Variants in LARGE1 observed in about 807,000 individuals in gnomAD.
LARGE1 encodes the protein xylosyl- and glucuronyltransferase LARGE1.
LARGE1 carries 43 observed loss-of-function variants against 87.6 expected under a neutral mutation model. That is an observed-to-expected ratio of 0.49 (90% CI 0.38 to 0.63). The LOEUF is 0.63. Ranked by LOEUF, LARGE1 falls within the 30% of genes least tolerant of loss-of-function variation. The pLI, the probability that LARGE1 is intolerant of heterozygous loss-of-function variation, is 0.00. For synonymous variants in LARGE1, 434 were observed against 394.6 expected (o/e 1.10, Z -1.18); for missense variants, 802 against 1,000.2 (o/e 0.80, Z 2.67).
intron 4 of LARGE1, among the ~76,000 whole-genome samples, chr22:33,612,701 A>G (rs998392001): frequency 1.3e-5 from 2 of 152,254 alleles, no homozygotes; most frequent in African/African-American, 4.8e-5. Flanking sequence ...CCACGTCTAC[A>G]GGACAGACTG....
chr22:33,702,016 T>A (rs79109634), intron 2 of LARGE1, among the ~76,000 whole-genome samples: 6 of 152,338 alleles, frequency 3.9e-5, no homozygotes, highest in African/African-American at 1.4e-4. Flanking sequence ...CATAAAAACC[T>A]GTCCCAATCC....
rs1936572672 is a variant in LARGE1 at position 33,320,179 on chromosome 22, G to A, written c.1288-3931C>T. ...CAGATTTCCTTGTTGACAATTACGG[G>A]CTGCTCTCTCTGACCCATCACCCCC... On this transcript the variant is annotated intron_variant, in intron 10 of 14. Transcript: ENST00000397394. 2.0e-5 allele frequency among the ~76,000 whole-genome samples: 3 copies of A among 152,022 alleles called. No individual in the cohort carries two copies. In the South Asian group the frequency reaches 6.2e-4, roughly 32 times the overall value.
At position 33,606,539 on chromosome 22, in the gene LARGE1, T is replaced by C. The variant is rs577382880; in HGVS notation, c.492-1981A>G. ...CGTCGGCATGGTCACTCCCCACACC[T>C]GTCCTATGTTCCAGACATACAGACC... On this transcript the variant is annotated intron_variant, in intron 4 of 14. Transcript: ENST00000397394. 7.2e-5 allele frequency among the ~76,000 whole-genome samples: 11 copies of C among 152,250 alleles called. No homozygotes were observed. The South Asian group carries it at 2.3e-3, about 32-fold the overall frequency.
chr22:33,771,029 A>G (rs1307090138), intron 1 of LARGE1, among the ~76,000 whole-genome samples: 1 of 152,044 alleles, frequency 6.6e-6, no homozygotes, highest in African/African-American at 2.4e-5. Context: ...TAAAATGTCA[A>G]TATCCCCCAC....
intron 6 of LARGE1, among the ~76,000 whole-genome samples, chr22:33,457,449 G>A (rs1053639285): frequency 2.6e-5 from 4 of 151,614 alleles, no homozygotes; most frequent in African/African-American, 7.3e-5. Context: ...AAGCCACCAA[G>A]CCCGGCCTAA....
intron 5 of LARGE1, among the ~76,000 whole-genome samples, chr22:33,591,167 C>T (rs1026508873): frequency 5.9e-5 from 9 of 152,240 alleles, no homozygotes; most frequent in Admixed American, 5.9e-4. Flanking sequence ...GGCCACTGCA[C>T]TCCAGCCTGG....
intron 2 of LARGE1, among the ~76,000 whole-genome samples, chr22:33,658,141 C>T (rs2081022263): frequency 1.3e-5 from 2 of 152,044 alleles, no homozygotes; most frequent in South Asian, 4.2e-4. Flanking sequence ...TGCTTCATTC[C>T]CTGGTCCCTC....
In LARGE1 at chr22:33,619,013, T is replaced by C. The variant is rs192666958; in HGVS notation, c.491+7231A>G. Among the ~76,000 whole-genome samples the C allele has an allele frequency of 3.0e-3, 458 of 152,306 alleles. 2 individuals carry two copies. The highest frequency in any genetic ancestry group is 0.01 in the African/African-American group (434 of 41,572). ...CCATAAGAAGCCTTGAGCTCAGCTA[T>C]ATTGGGAACTCTCCTGCCTTTGAGT... On this transcript the variant is annotated intron_variant, in intron 4 of 14. Coordinates refer to ENST00000397394, the MANE Select transcript of LARGE1 (RefSeq NM_133642.5).
chr22:33,894,267 T>A (rs868549197), intron 1 of LARGE1, among the ~76,000 whole-genome samples: 2 of 152,162 alleles, frequency 1.3e-5, no homozygotes, highest in Non-Finnish European at 2.9e-5. Flanking sequence ...GAGTTTTTGA[T>A]CCTGGTCCCC....
chr22:33,177,858 G>A (rs560234882), intron 11 of LARGE1, among the ~76,000 whole-genome samples: 4 of 152,236 alleles, frequency 2.6e-5, no homozygotes, highest in South Asian at 4.1e-4. Context: ...TGATTGGATC[G>A]TAGGGGCAGT....
intron 2 of LARGE1, among the ~76,000 whole-genome samples, chr22:33,718,889 C>G (rs968255317): frequency 2.0e-5 from 3 of 152,230 alleles, no homozygotes; most frequent in Non-Finnish European, 4.4e-5. Context: ...CTCCCAGGTT[C>G]AAGCGATTCT....
At chr22:33,911,772 T>C (rs2065645494) in intron 1 of LARGE1, among the ~76,000 whole-genome samples, 1 of 152,220 alleles carries the variant, frequency 6.6e-6, no homozygotes, top group Non-Finnish European at 1.5e-5. Context: ...TACAAAGCCA[T>C]CAATGTTTGA....
intron 7 of LARGE1, among the ~76,000 whole-genome samples, chr22:33,430,456 A>G (rs891714088): frequency 6.6e-6 from 1 of 152,092 alleles, no homozygotes; most frequent in Non-Finnish European, 1.5e-5. Context: ...AGACTTCCCC[A>G]TCATCCAGCA....
At chr22:33,095,235 G>A in the LARGE1 span, among the ~76,000 whole-genome samples, 1 of 152,200 alleles carries the variant, frequency 6.6e-6, no homozygotes, top group East Asian at 1.9e-4. Context: ...AAATCAAAGT[G>A]TCAGCAGGGC....
chr22:33,342,580 T>C (rs1011755159), intron 9 of LARGE1, among the ~76,000 whole-genome samples: 1 of 152,130 alleles, frequency 6.6e-6, no homozygotes, highest in East Asian at 1.9e-4. Flanking sequence ...ATTTTACAGA[T>C]GAGGAGAGTG....
At chr22:33,467,935 T>G in intron 6 of LARGE1, among the ~76,000 whole-genome samples, 1 of 152,196 alleles carries the variant, frequency 6.6e-6, no homozygotes, top group African/African-American at 2.4e-5. Context: ...GCTTCTCTCC[T>G]GTCATTCTGA....
At chr22:33,190,647 C>T (rs1217873977) in intron 11 of LARGE1, among the ~76,000 whole-genome samples, 2 of 152,006 alleles carry the variant, frequency 1.3e-5, no homozygotes, top group East Asian at 3.9e-4. Flanking sequence ...TAGAAGGGCA[C>T]TGGGAGGGGT....
Position 33,796,771 on chromosome 22 carries a change from T to A in LARGE1, c.-82-35213A>T, listed in dbSNP as rs1408178436. On this transcript the variant is annotated intron_variant, in intron 1 of 14. Transcript: ENST00000397394. ...GGTGACACAGTAAGACTTGGGCTTT[T>A]TTTTTTTTTTTTTTTTTTCCCCTGA... Among the ~76,000 whole-genome samples the A allele has an allele frequency of 7.4e-5, 11 of 147,920 alleles. No individual in the cohort carries two copies. In the East Asian group the frequency reaches 8.1e-4, roughly 11 times the overall value.
At chr22:33,675,545 A>C (rs1045915443) in intron 2 of LARGE1, among the ~76,000 whole-genome samples, 9 of 152,142 alleles carry the variant, frequency 5.9e-5, no homozygotes, top group African/African-American at 2.2e-4. Context: ...CAACAAAATA[A>C]GACAAAACGA....
Sources: allele counts gnomAD v4.1 joint callset (sites outside exome capture counted in the v4.1 genomes callset), GRCh38; gene constraint gnomAD v4.1.1; transcripts MANE v1.5; gene names NCBI Gene and HGNC (gene_info 2026-07-23, HGNC 2026-07-21).